Variants in GPHN observed in about 807,000 individuals in gnomAD.
The protein encoded by GPHN is gephyrin.
Under a neutral mutation model 95.5 loss-of-function variants are expected in GPHN, and 17 were observed. That is an observed-to-expected ratio of 0.18 (90% confidence interval 0.12 to 0.27). The LOEUF is 0.27. Among genes scored for constraint, GPHN ranks in the 10% least tolerant of loss-of-function variants. The probability of loss-of-function intolerance (pLI) is 1.00; values close to 1 mark genes in which losing one functional copy is unlikely to be tolerated. For missense variants in GPHN, 660 were observed against 978.1 expected, an observed-to-expected ratio of 0.67 and a Z score of 4.34; for synonymous variants, 320 against 322.5, an observed-to-expected ratio of 0.99 and a Z score of 0.08.
intron 2 of GPHN, among the ~76,000 whole-genome samples, chr14:66,752,279 T>C (rs2058395459): frequency 6.6e-6 from 1 of 152,134 alleles, no homozygotes; most frequent in Non-Finnish European, 1.5e-5. Flanking sequence ...TTAATTTTTT[T>C]CAAAAACTTT....
At chr14:66,718,615 C>G (rs1411958939) in intron 2 of GPHN, among the ~76,000 whole-genome samples, 1 of 152,110 alleles carries the variant, frequency 6.6e-6, no homozygotes, top group Non-Finnish European at 1.5e-5. Flanking sequence ...TTACAGAGTG[C>G]TGATTGGTGC....
At chr14:67,559,312 T>C in the GPHN span, among the ~76,000 whole-genome samples, 151,608 of 152,306 alleles carry the variant, frequency 1, 75,462 homozygotes, top group Middle Eastern at 1. Flanking sequence ...CCTTGATTTC[T>C]ACTCCTCACT....
At chr14:67,177,101 AT>A (rs2083017605) in intron 21 of GPHN, among the ~76,000 whole-genome samples, 1 of 151,868 alleles carries the variant, frequency 6.6e-6, no homozygotes, top group Non-Finnish European at 1.5e-5. Context: ...GATCTTAGTT[AT>A]TTCTTGCCTT....
chr14:66,966,060 TA>T (rs996694522), intron 9 of GPHN, among the ~76,000 whole-genome samples: 1 of 152,162 alleles, frequency 6.6e-6, no homozygotes. Flanking sequence ...TCAAGTTCTC[TA>T]TGTGATGGAT....
chr14:67,572,196 A>G, the GPHN span: 1 of 1,608,968 alleles, frequency 6.2e-7, no homozygotes, highest in Admixed American at 1.7e-5. Context: ...ACGCCTGCTC[A>G]CTGGACAGTG....
the GPHN span, among the ~76,000 whole-genome samples, chr14:67,287,848 A>G: frequency 6.6e-6 from 1 of 152,232 alleles, no homozygotes; most frequent in Non-Finnish European, 1.5e-5. Context: ...AAGTACAGGT[A>G]ATTTTCAAAA....
chr14:66,888,328 C>CT (rs1486976659), intron 5 of GPHN, among the ~76,000 whole-genome samples: 19 of 152,170 alleles, frequency 1.2e-4, no homozygotes, highest in Admixed American at 1.2e-3. Flanking sequence ...AAAAAACTCC[C>CT]TATCTATAGA....
At chr14:67,269,012 T>C in the GPHN span, among the ~76,000 whole-genome samples, 2 of 152,176 alleles carry the variant, frequency 1.3e-5, no homozygotes, top group Non-Finnish European at 2.9e-5. Flanking sequence ...CCTGCATGCC[T>C]TGGCCATAAT....
At chr14:66,581,963 T>A (rs1035803245) in intron 1 of GPHN, among the ~76,000 whole-genome samples, 1 of 151,984 alleles carries the variant, frequency 6.6e-6, no homozygotes, top group African/African-American at 2.4e-5. Flanking sequence ...TATGCCTCTT[T>A]AAATAATGAA....
At chr14:66,723,982 T>C (rs370251923) in intron 2 of GPHN, among the ~76,000 whole-genome samples, 1 of 143,144 alleles carries the variant, frequency 7.0e-6, no homozygotes, top group African/African-American at 2.6e-5. Flanking sequence ...ATGTCATGCA[T>C]ACATACACAC....
At chr14:67,480,399 A>G in the GPHN span, among the ~76,000 whole-genome samples, 1 of 152,186 alleles carries the variant, frequency 6.6e-6, no homozygotes, top group South Asian at 2.1e-4. Flanking sequence ...GTGAGCCTCC[A>G]GCTTCCCTGT....
intron 1 of GPHN, among the ~76,000 whole-genome samples, chr14:66,656,264 A>G (rs900669905): frequency 6.6e-5 from 10 of 152,162 alleles, no homozygotes; most frequent in Non-Finnish European, 1.5e-4. Flanking sequence ...AAATCCAATG[A>G]TCTTAATAGT....
intron 1 of GPHN, among the ~76,000 whole-genome samples, chr14:66,655,887 A>T (rs2065278092): frequency 6.6e-6 from 1 of 152,074 alleles, no homozygotes; most frequent in Non-Finnish European, 1.5e-5. Context: ...TGTTAATATG[A>T]TGTTTTACAT....
At chr14:66,993,472 G>A (rs946028738) in intron 9 of GPHN, among the ~76,000 whole-genome samples, 5 of 151,818 alleles carry the variant, frequency 3.3e-5, no homozygotes, top group African/African-American at 4.8e-5. Context: ...ACTTCATTAC[G>A]TCTTAACAAA....
At chr14:66,745,525 G>A (rs1235334800) in intron 2 of GPHN, among the ~76,000 whole-genome samples, 2 of 151,856 alleles carry the variant, frequency 1.3e-5, no homozygotes, top group African/African-American at 4.8e-5. Context: ...TCAGTATTCT[G>A]TGAGGGATTA....
At chr14:67,216,594 T>C in the GPHN span, among the ~76,000 whole-genome samples, 1 of 152,176 alleles carries the variant, frequency 6.6e-6, no homozygotes, top group African/African-American at 2.4e-5. Flanking sequence ...TTTTCGTATA[T>C]TGTATTTCTA....
chr14:67,229,816 A>C, the GPHN span, among the ~76,000 whole-genome samples: 10 of 152,328 alleles, frequency 6.6e-5, no homozygotes, highest in Admixed American at 2.6e-4. Context: ...ATTACACACA[A>C]AAAAATGTGG....
intron 5 of GPHN, among the ~76,000 whole-genome samples, chr14:66,913,565 A>C (rs186023853): frequency 4.6e-5 from 7 of 151,880 alleles, no homozygotes; most frequent in Non-Finnish European, 1.0e-4. Flanking sequence ...CTGGTCTCGA[A>C]CTCTGACCTT....
chr14:67,345,793 AGTTCCACTGC>A, the GPHN span: 1 of 1,613,914 alleles, frequency 6.2e-7, no homozygotes, highest in Middle Eastern at 1.7e-4. Flanking sequence ...TTCCACCAGT[AGTTCCACTGC>A]TTTGGCATAA....
Sources: gnomAD v4.1 joint callset for allele counts (sites outside exome capture counted in the v4.1 genomes callset) on GRCh38, gnomAD v4.1.1 for gene constraint, MANE v1.5 for transcripts, NCBI Gene and HGNC (gene_info 2026-07-23, HGNC 2026-07-21) for gene names.